MAGI2: variants seen among roughly 807,000 people sequenced by gnomAD.
MAGI2 encodes the protein membrane associated guanylate kinase, WW and PDZ domain containing 2, also known as membrane-associated guanylate kinase, WW and PDZ domain-containing protein 2.
MAGI2 carries 35 observed loss-of-function variants against 133.3 expected under a neutral mutation model. The observed-to-expected ratio is 0.26, with a 90% CI of 0.20 to 0.35. The LOEUF is 0.35. Ranked by LOEUF, MAGI2 falls within the 10% of genes least tolerant of loss-of-function variation. MAGI2 has a pLI of 1.00. For missense variants in MAGI2, 1,636 were observed against 1,863.4 expected, an observed-to-expected ratio of 0.88 and a Z score of 2.25; for synonymous variants, 729 against 710.6, an observed-to-expected ratio of 1.03 and a Z score of -0.41.
intron 1 of MAGI2, among the ~76,000 whole-genome samples, chr7:79,175,067 T>C (rs930499332): frequency 4.0e-5 from 6 of 151,888 alleles, no homozygotes; most frequent in Non-Finnish European, 8.8e-5. Context: ...TTACTTGTAA[T>C]GGTGCTCATT....
intron 2 of MAGI2, among the ~76,000 whole-genome samples, chr7:78,958,687 T>C (rs1299478600): frequency 6.6e-6 from 1 of 152,134 alleles, no homozygotes; most frequent in Admixed American, 6.5e-5. Flanking sequence ...GGTGAAGTGC[T>C]TCTCCATTCG....
chr7:79,283,314 G>A (rs1585422885), intron 1 of MAGI2, among the ~76,000 whole-genome samples: 1 of 152,212 alleles, frequency 6.6e-6, no homozygotes, highest in East Asian at 1.9e-4. Flanking sequence ...TAAGCCCTCA[G>A]ATTTCAATTT....
chr7:78,070,218 T>TACAC (rs374567182), intron 21 of MAGI2, among the ~76,000 whole-genome samples: 29 of 52,268 alleles, frequency 5.5e-4, no homozygotes, highest in African/African-American at 1.3e-3. Flanking sequence ...TATATATATA[T>TACAC]ACACACACAC....
chr7:78,076,045 A>G (rs1815253234), intron 21 of MAGI2, among the ~76,000 whole-genome samples: 1 of 152,264 alleles, frequency 6.6e-6, no homozygotes. Context: ...TATCAAAAGT[A>G]GCAGACAAGT....
chr7:78,546,146 T>A (rs1226399185), intron 3 of MAGI2, among the ~76,000 whole-genome samples: 2 of 152,208 alleles, frequency 1.3e-5, no homozygotes, highest in Non-Finnish European at 2.9e-5. Flanking sequence ...ATTTTAATAA[T>A]TTTTGGCTTT....
intron 3 of MAGI2, among the ~76,000 whole-genome samples, chr7:78,599,995 C>T (rs1176513781): frequency 6.6e-6 from 1 of 152,182 alleles, no homozygotes; most frequent in Non-Finnish European, 1.5e-5. Flanking sequence ...AAGCAGAATG[C>T]TTATACACCC....
At chr7:79,145,043 G>T (rs1056455257) in intron 1 of MAGI2, among the ~76,000 whole-genome samples, 1 of 152,046 alleles carries the variant, frequency 6.6e-6, no homozygotes, top group Non-Finnish European at 1.5e-5. Flanking sequence ...TTTTTCTAGG[G>T]GTTGACAAGG....
intron 4 of MAGI2, among the ~76,000 whole-genome samples, chr7:78,509,011 A>T (rs779836100): frequency 1.6e-4 from 24 of 151,726 alleles, no homozygotes; most frequent in Non-Finnish European, 3.1e-4. Flanking sequence ...CTTCATATGT[A>T]AAATATAATG....
At chr7:78,722,594 C>A (rs1458987007) in intron 2 of MAGI2, among the ~76,000 whole-genome samples, 1 of 152,130 alleles carries the variant, frequency 6.6e-6, no homozygotes, top group Middle Eastern at 3.4e-3. Flanking sequence ...AAGCCCAGAA[C>A]TCTGGCTTCA....
intron 6 of MAGI2, among the ~76,000 whole-genome samples, chr7:78,479,176 T>C (rs1165690533): frequency 6.6e-6 from 1 of 151,952 alleles, no homozygotes; most frequent in Non-Finnish European, 1.5e-5. Context: ...ATCAATACAA[T>C]TTCACAGTGA....
intron 1 of MAGI2, among the ~76,000 whole-genome samples, chr7:79,048,078 A>G (rs183665945): frequency 4.4e-4 from 67 of 152,322 alleles, no homozygotes; most frequent in African/African-American, 1.5e-3. Flanking sequence ...TTTAAAGGGT[A>G]GAATACATGT....
At chr7:78,681,414 G>T (rs1353872937) in intron 2 of MAGI2, among the ~76,000 whole-genome samples, 3 of 152,038 alleles carry the variant, frequency 2.0e-5, no homozygotes, top group Non-Finnish European at 4.4e-5. Context: ...CTATTACCCA[G>T]CAGATTCTGT....
intron 6 of MAGI2, among the ~76,000 whole-genome samples, chr7:78,467,972 G>C (rs1408037714): frequency 6.6e-6 from 1 of 152,120 alleles, no homozygotes; most frequent in Non-Finnish European, 1.5e-5. Context: ...TATTTCTGGA[G>C]AAATATTCTG....
intron 5 of MAGI2, among the ~76,000 whole-genome samples, chr7:78,495,333 A>G (rs535484260): frequency 6.6e-6 from 1 of 151,508 alleles, no homozygotes; most frequent in African/African-American, 2.4e-5. Context: ...TCATTGTTCA[A>G]CTCCTGCTTA....
intron 21 of MAGI2, among the ~76,000 whole-genome samples, chr7:78,025,247 T>A (rs1253476031): frequency 6.6e-6 from 1 of 152,186 alleles, no homozygotes; most frequent in African/African-American, 2.4e-5. Flanking sequence ...AAAAAGAACA[T>A]GGCGGGTTCT....
intron 1 of MAGI2, among the ~76,000 whole-genome samples, chr7:79,246,922 ACAT>A (rs1332370042): frequency 6.6e-6 from 1 of 152,220 alleles, no homozygotes; most frequent in African/African-American, 2.4e-5. Flanking sequence ...AGAAACAATA[ACAT>A]CCAATGGAAT....
chr7:78,088,830 T>C (rs544985782), intron 20 of MAGI2, among the ~76,000 whole-genome samples: 2 of 152,316 alleles, frequency 1.3e-5, no homozygotes, highest in Admixed American at 6.5e-5. Flanking sequence ...TTCCCTTACA[T>C]GGCAAAAAGG....
intron 2 of MAGI2, among the ~76,000 whole-genome samples, chr7:78,930,466 C>G (rs1800028258): frequency 6.6e-6 from 1 of 152,046 alleles, no homozygotes. Flanking sequence ...GTCTTTTCTT[C>G]ATGAAGATCT....
chr7:78,348,543 C>T (rs1791162200), intron 7 of MAGI2: 1 of 152,088 alleles, frequency 6.6e-6, no homozygotes, highest in Non-Finnish European at 1.5e-5. Flanking sequence ...GCCACATTCC[C>T]TGCCTGTGTG....
Sources: gnomAD v4.1 joint callset for allele counts (sites outside exome capture counted in the v4.1 genomes callset) on GRCh38, gnomAD v4.1.1 for gene constraint, MANE v1.5 for transcripts, NCBI Gene and HGNC (gene_info 2026-07-23, HGNC 2026-07-21) for gene names.